The following FGF14 variants were observed in gnomAD, a reference collection of about 807,000 sequenced individuals.
The protein encoded by FGF14 is fibroblast growth factor 14, also known as fibroblast growth factor homologous factor 4.
FGF14 carries 5 observed loss-of-function variants against 25.5 expected under a neutral mutation model. That is an observed-to-expected ratio of 0.20 (90% CI 0.10 to 0.41). FGF14 has a LOEUF of 0.41. FGF14 is among the 10% of genes least tolerant of loss of function. The probability of loss-of-function intolerance (pLI) is 1.00; values close to 1 mark genes in which losing one functional copy is unlikely to be tolerated. For synonymous variants in FGF14, 138 were observed against 118.3 expected (o/e 1.17, Z -1.08); for missense variants, 222 against 320.1 (o/e 0.69, Z 2.34).
At position 102,400,040 on chromosome 13, in the gene FGF14, C is replaced by G. The variant is rs1352423710; in HGVS notation, c.208+1431G>C. Among the ~76,000 whole-genome samples the G allele has an allele frequency of 6.6e-6, 1 of 151,070 alleles. No homozygotes were observed. Among genetic ancestry groups the G allele is most frequent in the Non-Finnish European group, 1.5e-5 (1 of 67,744 alleles). On this transcript the variant is annotated intron_variant, in intron 1 of 4. Transcript: ENST00000376131. The surrounding 1 kb of genome is among the most constrained non-coding windows in gnomAD (Gnocchi z 4.3). ...AAACGGTCTCAGCCTCCGCACCCAC[C>G]GCCTCCGTCCCCGCCCACCCGCACC...
At chr13:102,256,009 C>CA (rs905078420) in intron 1 of FGF14, among the ~76,000 whole-genome samples, 62 of 151,742 alleles carry the variant, frequency 4.1e-4, no homozygotes, top group African/African-American at 1.3e-3. Context: ...TAATTAAAAA[C>CA]AAAAAAAACT....
At chr13:102,153,401 A>T (rs1229549186) in intron 1 of FGF14, among the ~76,000 whole-genome samples, 1 of 152,234 alleles carries the variant, frequency 6.6e-6, no homozygotes, top group Non-Finnish European at 1.5e-5. Flanking sequence ...TCTGGCTTAT[A>T]TCAGCAAATC....
At chr13:101,765,034 T>C (rs906058345) in intron 3 of FGF14, among the ~76,000 whole-genome samples, 1 of 152,176 alleles carries the variant, frequency 6.6e-6, no homozygotes, top group African/African-American at 2.4e-5. Context: ...CAGAGGCATT[T>C]TGTGAGCAAG....
chr13:102,094,172 T>C (rs919994598), intron 1 of FGF14, among the ~76,000 whole-genome samples: 1 of 151,642 alleles, frequency 6.6e-6, no homozygotes. Context: ...TTATCTTGAA[T>C]TGAAAATGCA....
chr13:102,364,399 T>C (rs1008217479), intron 1 of FGF14, among the ~76,000 whole-genome samples: 2 of 152,196 alleles, frequency 1.3e-5, no homozygotes, highest in Non-Finnish European at 2.9e-5. Flanking sequence ...CCTTAGAAGG[T>C]TGCTCACATA....
At chr13:101,801,653 G>C (rs1238297626) in intron 3 of FGF14, among the ~76,000 whole-genome samples, 1 of 152,124 alleles carries the variant, frequency 6.6e-6, no homozygotes, top group African/African-American at 2.4e-5. Context: ...AAAACAGGTT[G>C]GTTAAGAATT....
chr13:102,002,145 A>G (rs985395493), intron 1 of FGF14: 6 of 152,222 alleles, frequency 3.9e-5, no homozygotes, highest in Non-Finnish European at 7.3e-5. Flanking sequence ...CCCACTGCCA[A>G]TGGAGAATGG....
rs1361771074 is a variant in FGF14 at position 101,717,082 on chromosome 13, C to T, written c.*5749G>A. 2 of 151,412 alleles carry T rather than the reference C, an allele frequency of 1.3e-5. No homozygotes were observed. The highest frequency in any genetic ancestry group is 2.9e-5 in the Non-Finnish European group (2 of 67,866). 9.4% of individuals were successfully genotyped at this position (151,412 alleles called of 1,614,324 possible). The stretch of plus-strand genomic sequence containing the variant: ...TAGAATAATGTAGCAAAATCATTTC[C>T]GTATTACTTTAAGATGAAAATTTTT... On this transcript the variant is annotated 3_prime_UTR_variant, in exon 5 of 5. Transcript: ENST00000376143.
rs2034687592 is a variant in FGF14, at chr13:101,715,677, A to G, written c.*7154T>C. Reference sequence around the variant, plus strand: ...TAACAATTACATGAGAGAGGTCTGGATTCTTATTTTTTCTGGGCCATTAGA... The same window carrying G: ...TAACAATTACATGAGAGAGGTCTGGGTTCTTATTTTTTCTGGGCCATTAGA... On this transcript the variant is annotated 3_prime_UTR_variant, in exon 5 of 5. Coordinates refer to ENST00000376143, the MANE Select transcript of FGF14 (RefSeq NM_004115.4). The G allele has an allele frequency of 1.3e-6, 2 of 1,512,094 alleles. No homozygotes were observed. The highest frequency in any genetic ancestry group is 1.8e-6 in the Non-Finnish European group (2 of 1,087,338). 93.7% of individuals were successfully genotyped at this position (1,512,094 alleles called of 1,614,324 possible).
intron 1 of FGF14, among the ~76,000 whole-genome samples, chr13:102,165,550 C>T (rs1201654430): frequency 6.6e-6 from 1 of 150,396 alleles, no homozygotes; most frequent in African/African-American, 2.4e-5. Flanking sequence ...TCATTCTCAG[C>T]AAACTATCGC....
intron 3 of FGF14, among the ~76,000 whole-genome samples, chr13:101,838,681 A>G (rs1337774358): frequency 2.0e-5 from 3 of 152,080 alleles, no homozygotes; most frequent in African/African-American, 2.4e-5. Context: ...CAAAATCCTC[A>G]TGTAAATAAA....
intron 3 of FGF14, among the ~76,000 whole-genome samples, chr13:101,817,695 T>C (rs2041910454): frequency 6.6e-6 from 1 of 152,242 alleles, no homozygotes; most frequent in African/African-American, 2.4e-5. Context: ...GTGAAGGCGC[T>C]CTGCTAAGTG....
At chr13:102,180,891 T>C (rs1362160877) in intron 1 of FGF14, among the ~76,000 whole-genome samples, 3 of 152,144 alleles carry the variant, frequency 2.0e-5, no homozygotes, top group Non-Finnish European at 2.9e-5. Context: ...TTTTATCATG[T>C]GGTTCACTCC....
chr13:102,389,159 T>G (rs1048928868), intron 1 of FGF14, among the ~76,000 whole-genome samples: 17 of 152,204 alleles, frequency 1.1e-4, no homozygotes, highest in African/African-American at 3.6e-4. Context: ...AGCAGAATTC[T>G]TTCTCATATC....
chr13:102,229,144 T>G (rs1310352698), intron 1 of FGF14, among the ~76,000 whole-genome samples: 1 of 152,210 alleles, frequency 6.6e-6, no homozygotes, highest in African/African-American at 2.4e-5. Flanking sequence ...CAGTGCTGCC[T>G]GGGAGTTCTC....
At chr13:102,394,533 G>C (rs1378758951) in intron 1 of FGF14, 1 of 152,322 alleles carries the variant, frequency 6.6e-6, no homozygotes, top group Non-Finnish European at 1.5e-5. Flanking sequence ...AGCACAAGCT[G>C]CCGGGTCCCA....
At position 102,205,984 on chromosome 13, in the gene FGF14, TAAAAAAAAAAAAAAAAAAAAAAA is replaced by T. The variant is rs36108366; in HGVS notation, c.208+195464_208+195486del. On this transcript the variant is annotated intron_variant, in intron 1 of 4. Coordinates refer to the FGF14 transcript ENST00000376131. ...AGGTAGCTCAAGAAGCTCCCTGTGGTAAAAAAAAAAAAAAAAAAAAAAAAAAAAAAAAAAAAAAAAAAAAAAAA... is the reference window on the plus strand; with the variant it reads ...AGGTAGCTCAAGAAGCTCCCTGTGGTAAAAAAAAAAAAAAAAAAAAAAAAA... Among the ~76,000 whole-genome samples the T allele has an allele frequency of 3.8e-4, 18 of 47,442 alleles. 1 individual carries two copies. Among genetic ancestry groups the T allele is most frequent in the Non-Finnish European group, 6.7e-4 (17 of 25,216 alleles). The allele number at this position is 47,442 out of a possible 152,430, so 31.1% of individuals were successfully genotyped here.
chr13:102,257,285 G>A (rs536365175), intron 1 of FGF14, among the ~76,000 whole-genome samples: 5 of 128,240 alleles, frequency 3.9e-5, no homozygotes, highest in Non-Finnish European at 8.3e-5. Context: ...TTTGCTGATG[G>A]TTTTAATTTG....
chr13:102,138,173 G>A (rs980954550), intron 1 of FGF14, among the ~76,000 whole-genome samples: 1 of 137,934 alleles, frequency 7.2e-6, no homozygotes, highest in Non-Finnish European at 1.6e-5. Flanking sequence ...CTTGAAGGAT[G>A]TGATCTAACT....
Sources: allele counts gnomAD v4.1 joint callset (sites outside exome capture counted in the v4.1 genomes callset), GRCh38; gene constraint gnomAD v4.1.1; non-coding constraint Gnocchi (gnomAD v3.1); transcripts MANE v1.5; gene names NCBI Gene and HGNC (gene_info 2026-07-23, HGNC 2026-07-21).